Variants in AXIN1 observed in about 807,000 individuals in gnomAD.
AXIN1 encodes axin 1.
In AXIN1, 30 loss-of-function variants were observed where a neutral mutation model predicts 76.4. The observed-to-expected ratio is 0.39, with a 90% CI of 0.29 to 0.53. AXIN1 has a LOEUF of 0.53. Among genes scored for constraint, AXIN1 ranks in the 20% least tolerant of loss-of-function variants. The pLI is 0.66. For synonymous variants in AXIN1, 545 were observed against 501.4 expected (o/e 1.09, Z -1.16); for missense variants, 1,140 against 1,198.8 (o/e 0.95, Z 0.72).
chr16:315,001 AC>A (rs1019152451), intron 2 of AXIN1, among the ~76,000 whole-genome samples: 19 of 152,174 alleles, frequency 1.2e-4, no homozygotes, highest in African/African-American at 4.6e-4. Context: ...TAGAAATGGG[AC>A]GCAGATGTTC....
chr16:321,801 G>A (rs1466699321), intron 2 of AXIN1, among the ~76,000 whole-genome samples: 1 of 152,234 alleles, frequency 6.6e-6, no homozygotes, highest in Non-Finnish European at 1.5e-5. Flanking sequence ...TCATAGCTGG[G>A]AATATGAGGT....
At position 297,067 on chromosome 16, in the gene AXIN1, C is replaced by A. The variant is rs762398171; in HGVS notation, c.1944G>T (p.Arg648Ser). Residue 648 changes from arginine to serine, a missense_variant, in exon 7 of 11, where the codon AGG (arginine) becomes AGT (serine). This residue lies in a region of AXIN1 where 429 missense variants were observed against 405.8 expected (regional missense o/e 1.06). Transcript: ENST00000262320. ...EGEKEISRHR[R>S]TGHGSSGTRK... is the part of the protein sequence containing the mutation. ...TGCGGGGTGCTCACCCGTGGCCGGT[C>A]CTGCGGTGCCTGCTGATCTCCTTTT... 2 of 1,611,418 alleles carry A rather than the reference C, an allele frequency of 1.2e-6. No individual in the cohort carries two copies. The highest frequency in any genetic ancestry group is 1.7e-6 in the Non-Finnish European group (2 of 1,179,918).
chr16:289,998 T>C, intron 9 of AXIN1: 2 of 333,864 alleles, frequency 6.0e-6, no homozygotes, highest in South Asian at 2.8e-5. Context: ...CAAACAGAAC[T>C]GTGCACGATT....
Position 291,735 on chromosome 16 carries a change from C to T in AXIN1, c.2187-438G>A, listed in dbSNP as rs749070688. 138 of 304,406 alleles carry T rather than the reference C, an allele frequency of 4.5e-4. 1 individual carries two copies. The highest frequency in any genetic ancestry group is 8.1e-4 in the Non-Finnish European group (126 of 154,868). 18.9% of individuals were successfully genotyped at this position (304,406 alleles called of 1,614,324 possible). On this transcript the variant is annotated intron_variant, in intron 8 of 10. Coordinates refer to ENST00000262320, the MANE Select transcript of AXIN1 (RefSeq NM_003502.4). The stretch of plus-strand genomic sequence containing the variant: ...CACCTCAGGGAGGCTGAGGGCCCCC[C>T]GGCGCCACAACTGAGGCCATCCTGG...
Position 321,035 on chromosome 16 carries a change from C to G in AXIN1, c.879-6352G>C, listed in dbSNP as rs537033128. Among the ~76,000 whole-genome samples the G allele has an allele frequency of 1.9e-3, 295 of 152,134 alleles. 5 individuals are homozygous for G. Among genetic ancestry groups the G allele is most frequent in the East Asian group, 3.7e-3 (19 of 5,162 alleles). On this transcript the variant is annotated intron_variant, in intron 2 of 10. Transcript: ENST00000262320. ...TTACAGGCTTAAGCCACTGCGCCTG[C>G]CCACAAAAAATGTTTCATGCCAAAA...
chr16:300,893 G>A (rs2052851694), intron 5 of AXIN1, among the ~76,000 whole-genome samples: 6 of 152,232 alleles, frequency 3.9e-5, no homozygotes, highest in Admixed American at 3.9e-4. Flanking sequence ...TCATGGGGCT[G>A]TGAAATGTTA....
rs1247735288 is a variant in AXIN1, at chr16:298,198, G to C, written c.1308C>G (p.His436Gln). Reference protein sequence around the residue: ...DPSSGPPGPCHKLPPAPAWHH... With the variant: ...DPSSGPPGPCQKLPPAPAWHH... Reference sequence around the variant, plus strand: ...GCCAAGCGGGGGCGGGAGGCAGCTTGTGACACGGCCCTGGGGGCCCTGACG... The same window carrying C: ...GCCAAGCGGGGGCGGGAGGCAGCTTCTGACACGGCCCTGGGGGCCCTGACG... The change falls in exon 6 of 11, where the codon CAC becomes CAG. Residue 436 changes from histidine (H) to glutamine (Q), a missense_variant. By Grantham distance (24) the His-to-Gln change is conservative. Transcript: ENST00000262320. 6.5e-7 allele frequency: 1 copy of C among 1,541,562 alleles called. No homozygotes were observed. Among genetic ancestry groups the C allele is most frequent in the South Asian group, 1.2e-5 (1 of 84,156 alleles).
Position 341,499 on chromosome 16 carries a change from G to T in AXIN1, c.878+4649C>A, listed in dbSNP as rs115649695. On this transcript the variant is annotated intron_variant, in intron 2 of 10. Coordinates refer to ENST00000262320, the MANE Select transcript of AXIN1 (RefSeq NM_003502.4). Reference sequence around the variant, plus strand: ...CTCGCTGGGTCTTAACTGCCTTCCTGCAGGGCAGGGCTCGGGAGCTGCAGC... The same window carrying T: ...CTCGCTGGGTCTTAACTGCCTTCCTTCAGGGCAGGGCTCGGGAGCTGCAGC... Among the ~76,000 whole-genome samples, 1,144 of 152,380 alleles carry T rather than the reference G, an allele frequency of 7.5e-3. 20 individuals are homozygous for T. The highest frequency in any genetic ancestry group is 0.026 in the African/African-American group (1,091 of 41,592).
In AXIN1 at chr16:325,209, G is replaced by A. The variant is rs143785473; in HGVS notation, c.879-10526C>T. On this transcript the variant is annotated intron_variant, in intron 2 of 10. Coordinates refer to ENST00000262320, the MANE Select transcript of AXIN1 (RefSeq NM_003502.4). ...CCCACATATTCAACCCGGAAGCCTG[G>A]GGAGGCTTCCCTTGGGGAAATCCAC... 4.7e-3 allele frequency among the ~76,000 whole-genome samples: 720 copies of A among 152,310 alleles called. 9 individuals are homozygous for A. The highest frequency in any genetic ancestry group is 0.016 in the African/African-American group (667 of 41,566).
At chr16:326,369 A>ATTTT (rs1567292723) in intron 2 of AXIN1, among the ~76,000 whole-genome samples, 3 of 99,874 alleles carry the variant, frequency 3.0e-5, no homozygotes, top group African/African-American at 1.1e-4. Flanking sequence ...AAAAAAAAAA[A>ATTTT]AAAATATATA....
chr16:295,033 C>T (rs1463444670), intron 7 of AXIN1, among the ~76,000 whole-genome samples: 2 of 144,238 alleles, frequency 1.4e-5, no homozygotes, highest in African/African-American at 2.6e-5. Flanking sequence ...CACTGCACTC[C>T]AGCCTGGGCA....
chr16:289,696 C>T lies in AXIN1; in HGVS notation c.2295-89G>A, dbSNP rs533254123. 20 of 1,544,374 alleles carry T rather than the reference C, an allele frequency of 1.3e-5. No homozygotes were observed. The Middle Eastern group carries it at 7.1e-4, about 55-fold the overall frequency. ...CTGGCCTCAGGCTGCCAGTGTAAGG[C>T]GGGGCAGGCCTGCAGGGGTGAGCAG... On this transcript the variant is annotated intron_variant, in intron 9 of 10. Coordinates refer to ENST00000262320, the MANE Select transcript of AXIN1 (RefSeq NM_003502.4).
chr16:333,667 G>T (rs1346858075), intron 2 of AXIN1, among the ~76,000 whole-genome samples: 1 of 150,934 alleles, frequency 6.6e-6, no homozygotes, highest in Non-Finnish European at 1.5e-5. Context: ...AAAACAGAAG[G>T]TGATGGTGCA....
chr16:325,757 G>T (rs2053567421), intron 2 of AXIN1, among the ~76,000 whole-genome samples: 1 of 152,228 alleles, frequency 6.6e-6, no homozygotes, highest in South Asian at 2.1e-4. Flanking sequence ...ACGGCACCTT[G>T]CTCTGTGTTA....
At chr16:352,274 C>T (rs2054162099) in intron 1 of AXIN1, 95 bp downstream of exon 1, 8 of 787,496 alleles carry the variant, frequency 1.0e-5, no homozygotes, top group Non-Finnish European at 1.2e-5. Context: ...CCCTCGGTCC[C>T]ACGCGCGTCA....
chr16:299,710 C>T (rs2052816951), intron 5 of AXIN1, among the ~76,000 whole-genome samples: 1 of 151,820 alleles, frequency 6.6e-6, no homozygotes, highest in African/African-American at 2.4e-5. Context: ...GGCTGGAGTG[C>T]AGTGGCACGA....
At position 342,167 on chromosome 16, in the gene AXIN1, A is replaced by G. The variant is rs181451121; in HGVS notation, c.878+3981T>C. On this transcript the variant is annotated intron_variant, in intron 2 of 10. Coordinates refer to ENST00000262320, the MANE Select transcript of AXIN1 (RefSeq NM_003502.4). ...GCTGCTGCTCACTCTTTGGGTCCAC[A>G]CTGCCTTTATGAGCTGTAACACTCA... Among the ~76,000 whole-genome samples, 243 of 152,006 alleles carry G rather than the reference A, an allele frequency of 1.6e-3. 1 individual carries two copies. The highest frequency in any genetic ancestry group is 2.7e-3 in the South Asian group (13 of 4,812).
chr16:305,031 G>A (rs958510555), intron 4 of AXIN1, among the ~76,000 whole-genome samples: 6 of 152,114 alleles, frequency 3.9e-5, no homozygotes, highest in East Asian at 1.9e-4. Flanking sequence ...ACACACAGCC[G>A]GCGCTCCCCA....
chr16:344,469 C>CTTTTTTGTTTT (rs1009955679), intron 2 of AXIN1, among the ~76,000 whole-genome samples: 4 of 140,574 alleles, frequency 2.8e-5, no homozygotes, highest in Non-Finnish European at 6.4e-5. Context: ...CTACACAATC[C>CTTTTTTGTTTT]TTTTTTGTTT....
Sources: gnomAD v4.1 joint callset for allele counts (sites outside exome capture counted in the v4.1 genomes callset) on GRCh38, gnomAD v4.1.1 for gene constraint, gnomAD v4.1.1 regional missense constraint, MANE v1.5 for transcripts, NCBI Gene and HGNC (gene_info 2026-07-23, HGNC 2026-07-21) for gene names.